NCAM2: variants seen among roughly 807,000 people sequenced by gnomAD.
NCAM2 encodes neural cell adhesion molecule 2, also known as N-CAM-2.
A neutral mutation model predicts 98.1 loss-of-function variants in NCAM2; 30 were observed. The observed-to-expected ratio is 0.31, with a 90% CI of 0.23 to 0.41. NCAM2 has a LOEUF of 0.41. NCAM2 is among the 10% of genes least tolerant of loss of function. NCAM2 has a pLI of 1.00. For missense variants in NCAM2, 867 were observed against 1,005.8 expected, an observed-to-expected ratio of 0.86 and a Z score of 1.87; for synonymous variants, 368 against 342.4, an observed-to-expected ratio of 1.07 and a Z score of -0.83.
chr21:21,458,486 A>G (rs1982481952), intron 12 of NCAM2, among the ~76,000 whole-genome samples: 1 of 152,176 alleles, frequency 6.6e-6, no homozygotes, highest in Non-Finnish European at 1.5e-5. Flanking sequence ...GGAGTGGAGC[A>G]AATCAATGGG....
chr21:21,418,280 C>T (rs986370), intron 10 of NCAM2, among the ~76,000 whole-genome samples, 193 bp from the exon 11 acceptor site: 14,751 of 151,780 alleles, frequency 0.097, 873 homozygotes, highest in African/African-American at 0.16. Flanking sequence ...GTGGATATTA[C>T]GGGCTCATGG....
At chr21:21,053,999 G>A (rs547501497) in intron 1 of NCAM2, among the ~76,000 whole-genome samples, 15 of 148,826 alleles carry the variant, frequency 1.0e-4, no homozygotes, top group East Asian at 2.0e-4. Context: ...TATGATTTCC[G>A]TGTAAGTTTG....
chr21:21,173,452 A>G (rs1338314320), intron 1 of NCAM2, among the ~76,000 whole-genome samples: 3 of 152,238 alleles, frequency 2.0e-5, no homozygotes, highest in Non-Finnish European at 4.4e-5. Flanking sequence ...TTAGAAGTGT[A>G]CTACAGCAGT....
chr21:21,056,409 T>C (rs894963027), intron 1 of NCAM2, among the ~76,000 whole-genome samples: 1 of 151,822 alleles, frequency 6.6e-6, no homozygotes, highest in African/African-American at 2.4e-5. Context: ...TCTGACTCAG[T>C]TATCAAGTTG....
At chr21:21,286,784 G>A (rs74459608) in intron 4 of NCAM2, among the ~76,000 whole-genome samples, 4,701 of 151,848 alleles carry the variant, frequency 0.031, 146 homozygotes, top group East Asian at 0.15. Flanking sequence ...TACAGAAAAG[G>A]TTTGCAGACC....
At chr21:21,433,026 G>C (rs1251246331) in intron 12 of NCAM2, among the ~76,000 whole-genome samples, 5 of 152,112 alleles carry the variant, frequency 3.3e-5, no homozygotes, top group African/African-American at 1.2e-4. Context: ...TGGTGTAGGG[G>C]TTCAGTAAAA....
At chr21:21,410,150 AT>A (rs1699152213) in intron 9 of NCAM2, 123 bp from the exon 10 acceptor site, 1 of 597,756 alleles carries the variant, frequency 1.7e-6, no homozygotes, top group Non-Finnish European at 2.5e-6. Context: ...AAAAAAAAAA[AT>A]ACACGAAATT....
Position 21,508,843 on chromosome 21 carries a change from T to TAAA in NCAM2, c.2078-8_2078-7insAAA. The TAAA allele has an allele frequency of 9.8e-7, 1 of 1,022,964 alleles. No individual in the cohort carries two copies. The highest frequency in any genetic ancestry group is 1.3e-6 in the Non-Finnish European group (1 of 754,054). 63.4% of individuals were successfully genotyped at this position (1,022,964 alleles called of 1,614,324 possible). The stretch of plus-strand genomic sequence containing the variant: ...TTTTTTTTTTTTTTTTTTTTTTTAC[T>TAAA]TTTTAAGACACGCTGTTTAATGGTC... On this transcript the variant is annotated splice_polypyrimidine_tract_variant and splice_region_variant and intron_variant, in intron 15 of 17. Coordinates refer to ENST00000400546, the MANE Select transcript of NCAM2 (RefSeq NM_004540.5).
At chr21:21,428,881 C>A (rs1033270520) in intron 11 of NCAM2, among the ~76,000 whole-genome samples, 9 of 152,062 alleles carry the variant, frequency 5.9e-5, no homozygotes, top group African/African-American at 2.2e-4. Flanking sequence ...CAAGTATTTC[C>A]TGAGAACTTA....
chr21:21,051,485 C>G (rs1028687003), intron 1 of NCAM2, among the ~76,000 whole-genome samples: 1 of 152,176 alleles, frequency 6.6e-6, no homozygotes, highest in Admixed American at 6.6e-5. Flanking sequence ...AAATGGATAT[C>G]AAATTGCGCT....
intron 16 of NCAM2, among the ~76,000 whole-genome samples, chr21:21,513,300 A>G (rs1303258608): frequency 6.6e-6 from 1 of 151,920 alleles, no homozygotes; most frequent in African/African-American, 2.4e-5. Context: ...ATTTAGTTAA[A>G]GTTTTTCTGC....
At chr21:21,447,056 A>G (rs1323765350) in intron 12 of NCAM2, among the ~76,000 whole-genome samples, 2 of 152,150 alleles carry the variant, frequency 1.3e-5, no homozygotes, top group Admixed American at 6.6e-5. Context: ...AACTACTTTA[A>G]ATTTCATAGG....
chr21:21,528,366 A>T (rs952297386), intron 16 of NCAM2, among the ~76,000 whole-genome samples: 3 of 152,140 alleles, frequency 2.0e-5, no homozygotes, highest in African/African-American at 7.2e-5. Flanking sequence ...ATGATGTGTC[A>T]AGGTAGGTTC....
rs1990144788 is a variant in NCAM2, at chr21:21,539,483, G to C, written c.*1526G>C. ...AAACCTGCTCTGGGTGTGTCTCTCT[G>C]TAGAGATAACCTGATGATTATTAAA... On this transcript the variant is annotated 3_prime_UTR_variant, in exon 18 of 18. Transcript: ENST00000400546. 6.6e-6 allele frequency: 1 copy of C among 152,104 alleles called. No homozygotes were observed. Among genetic ancestry groups the C allele is most frequent in the Non-Finnish European group, 1.5e-5 (1 of 68,020 alleles). The allele number at this position is 152,104 out of a possible 1,614,324, so 9.4% of individuals were successfully genotyped here. A position where few individuals can be genotyped will look rare whatever the true frequency, so the allele number is the denominator to read the frequency against.
chr21:21,146,988 C>T (rs1023275585), intron 1 of NCAM2: 1 of 705,518 alleles, frequency 1.4e-6, no homozygotes, highest in Admixed American at 6.5e-5. Flanking sequence ...AGACCGCTGC[C>T]TTCTACTCCA....
rs138130493 is a variant in NCAM2, at chr21:21,224,727, G to A, written c.56-55851G>A. 1.7e-3 allele frequency among the ~76,000 whole-genome samples: 259 copies of A among 152,160 alleles called. 2 individuals carry two copies. The highest frequency in any genetic ancestry group is 6.0e-3 in the African/African-American group (251 of 41,514). ...AACCTGAACAGATGCCCTTATATTG[G>A]GAAGCCTATTGTAAAATTAATAGAT... On this transcript the variant is annotated intron_variant, in intron 1 of 17. Coordinates refer to ENST00000400546, the MANE Select transcript of NCAM2 (RefSeq NM_004540.5).
At chr21:21,077,838 A>G (rs565503980) in intron 1 of NCAM2, among the ~76,000 whole-genome samples, 35 of 152,254 alleles carry the variant, frequency 2.3e-4, no homozygotes, top group African/African-American at 7.7e-4. Flanking sequence ...TATTTTACAC[A>G]TTTACTCAAT....
intron 1 of NCAM2, among the ~76,000 whole-genome samples, chr21:21,144,594 C>T (rs943704946): frequency 2.4e-5 from 3 of 124,008 alleles, no homozygotes; most frequent in South Asian, 6.1e-4. Context: ...TTCATTCAAT[C>T]GAAATGTCTG....
At chr21:21,115,400 A>G (rs1189390240) in intron 1 of NCAM2, among the ~76,000 whole-genome samples, 1 of 152,178 alleles carries the variant, frequency 6.6e-6, no homozygotes, top group Non-Finnish European at 1.5e-5. Context: ...AGAATTAGTT[A>G]AGTTAAATAA....
Sources: gnomAD v4.1 joint callset for allele counts (sites outside exome capture counted in the v4.1 genomes callset) on GRCh38, gnomAD v4.1.1 for gene constraint, MANE v1.5 for transcripts, NCBI Gene and HGNC (gene_info 2026-07-23, HGNC 2026-07-21) for gene names.